The following ZNF793 variants were observed in gnomAD, a reference collection of about 807,000 sequenced individuals.
The protein encoded by ZNF793 is zinc finger protein 793.
In ZNF793, 5 loss-of-function variants were observed where a neutral mutation model predicts 12.4. The observed-to-expected ratio is 0.40, with a 90% CI of 0.21 to 0.84. The LOEUF is 0.84. Among genes scored for constraint, ZNF793 ranks in the 40% least tolerant of loss-of-function variants. The pLI, the probability that ZNF793 is intolerant of heterozygous loss-of-function variation, is 0.35. For synonymous variants in ZNF793, 162 were observed against 172.4 expected (o/e 0.94, Z 0.47); for missense variants, 456 against 495.0 (o/e 0.92, Z 0.75).
Position 37,542,421 on chromosome 19 carries a change from A to G in ZNF793, c.*4542A>G. 1 of 391,196 alleles carries G rather than the reference A, an allele frequency of 2.6e-6. No homozygotes were observed. The highest frequency in any genetic ancestry group is 5.1e-6 in the Non-Finnish European group (1 of 197,750). 24.2% of individuals were successfully genotyped at this position (391,196 alleles called of 1,614,324 possible). A position where few individuals can be genotyped will look rare whatever the true frequency, so the allele number is the denominator to read the frequency against. On this transcript the variant is annotated 3_prime_UTR_variant, in exon 8 of 8. Transcript: ENST00000627814. ...AAAAGAAAAGAAAAGAAATCTGTTA[A>G]TATTATTAAAATATTTATGTCACTT...
chr19:37,522,386 T>A (rs1568789637), intron 3 of ZNF793, 146 bp from the exon 4 acceptor site: 2 of 152,094 alleles, frequency 1.3e-5, no homozygotes, highest in African/African-American at 4.8e-5. Flanking sequence ...TTAGTAGAGA[T>A]GGGGTTTCAC....
At chr19:37,517,456 CAAAAA>C (rs35675130) in intron 2 of ZNF793, among the ~76,000 whole-genome samples, 4 of 109,792 alleles carry the variant, frequency 3.6e-5, no homozygotes, top group Non-Finnish European at 4.0e-5. Context: ...AACTCTGTCT[CAAAAA>C]AAAAAAAAAA....
intron 1 of ZNF793, among the ~76,000 whole-genome samples, chr19:37,507,822 T>C (rs1378492093): frequency 6.6e-6 from 1 of 152,224 alleles, no homozygotes; most frequent in Admixed American, 6.5e-5. Context: ...TTGTAGTTAC[T>C]GACCTGTAGT....
In ZNF793 at chr19:37,522,652, G is replaced by C. The variant is rs1485033881; in HGVS notation, c.-31+5G>C. On this transcript the variant is annotated splice_donor_5th_base_variant and intron_variant, in intron 4 of 7. Coordinates refer to ENST00000627814, the MANE Select transcript of ZNF793 (RefSeq NM_001013659.3). ...CGACATTTTTGAAGAGTATAGGTAG[G>C]TTATTTTGTATATTGTAACTCAGTA... is the stretch of plus-strand genomic sequence containing the variant. 6.6e-6 allele frequency: 1 copy of C among 152,134 alleles called. No individual in the cohort carries two copies. The highest frequency in any genetic ancestry group is 1.5e-5 in the Non-Finnish European group (1 of 68,032). 9.4% of individuals were successfully genotyped at this position (152,134 alleles called of 1,614,324 possible).
chr19:37,519,604 A>C (rs1480520626), intron 2 of ZNF793, among the ~76,000 whole-genome samples: 1 of 152,228 alleles, frequency 6.6e-6, no homozygotes, highest in Non-Finnish European at 1.5e-5. Context: ...TAATAGCCTC[A>C]ATATAGAAAG....
In ZNF793 at chr19:37,537,382, T is replaced by C; in HGVS notation, c.724T>C (p.Phe242Leu). The C allele has an allele frequency of 6.2e-7, 1 of 1,613,078 alleles. No individual in the cohort carries two copies. Among genetic ancestry groups the C allele is most frequent in the Non-Finnish European group, 8.5e-7 (1 of 1,179,428 alleles). ...GAAAGCCTTCTGCTACAAGTCTGAATTCATTAGGCATCAGAGAAGTCACAC... is the reference window on the plus strand; with the variant it reads ...GAAAGCCTTCTGCTACAAGTCTGAACTCATTAGGCATCAGAGAAGTCACAC... ...CGKAFCYKSE[F>L]IRHQRSHTGE... Residue 242 changes from phenylalanine to leucine, a missense_variant, in exon 8 of 8, where the codon TTC becomes CTC. By Grantham distance (22) the Phe-to-Leu change is conservative. Transcript: ENST00000627814.
intron 2 of ZNF793, among the ~76,000 whole-genome samples, chr19:37,514,575 C>CTGAT (rs2042316235): frequency 6.7e-6 from 1 of 149,164 alleles, no homozygotes; most frequent in African/African-American, 2.5e-5. Flanking sequence ...GATAGATAGA[C>CTGAT]AGATAGATAG....
At position 37,540,265 on chromosome 19, in the gene ZNF793, CAAAAAAAAAAA is replaced by C. The variant is rs10686444; in HGVS notation, c.*2395_*2405del. 15 of 97,426 alleles carry C rather than the reference CAAAAAAAAAAA, an allele frequency of 1.5e-4. No homozygotes were observed. Among genetic ancestry groups the C allele is most frequent in the African/African-American group, 6.0e-4 (15 of 24,798 alleles). 6.0% of individuals were successfully genotyped at this position (97,426 alleles called of 1,614,324 possible). A position where few individuals can be genotyped will look rare whatever the true frequency, so the allele number is the denominator to read the frequency against. On this transcript the variant is annotated 3_prime_UTR_variant, in exon 8 of 8. Coordinates refer to ENST00000627814, the MANE Select transcript of ZNF793 (RefSeq NM_001013659.3). Reference sequence around the variant, plus strand: ...CTGGGTGACAAGAGCGAAACTCCGTCAAAAAAAAAAAAAAAAAAAGAAAACTTCAGACCAGT... The same window carrying C: ...CTGGGTGACAAGAGCGAAACTCCGTCAAAAAAAAGAAAACTTCAGACCAGT...
At chr19:37,529,850 G>A (rs1360480814) in intron 5 of ZNF793, among the ~76,000 whole-genome samples, 1 of 152,088 alleles carries the variant, frequency 6.6e-6, no homozygotes, top group African/African-American at 2.4e-5. Flanking sequence ...GGTGTTTTTC[G>A]TTAGGTGGAA....
At chr19:37,530,525 T>G (rs965303672) in intron 5 of ZNF793, among the ~76,000 whole-genome samples, 1 of 152,170 alleles carries the variant, frequency 6.6e-6, no homozygotes, top group African/African-American at 2.4e-5. Flanking sequence ...TGGTGATGAC[T>G]CTTAAGGAGC....
Position 37,537,685 on chromosome 19 carries a change from G to A in ZNF793, c.1027G>A (p.Glu343Lys), listed in dbSNP as rs746633763. 1.2e-6 allele frequency: 2 copies of A among 1,613,576 alleles called. No homozygotes were observed. Among genetic ancestry groups the A allele is most frequent in the South Asian group, 2.2e-5 (2 of 91,066 alleles). ...AGGAGAAAGACCGTATCGTTGCAGAGAATGTGGAAAATCCTTCAGCCAGAA... is the reference window on the plus strand; with the variant it reads ...AGGAGAAAGACCGTATCGTTGCAGAAAATGTGGAAAATCCTTCAGCCAGAA... ...HTGERPYRCR[E>K]CGKSFSQKSC... The change falls in exon 8 of 8, where the codon GAA becomes AAA. Residue 343 changes from glutamate (E) to lysine (K), a missense_variant. Glu to Lys is a moderately conservative substitution (Grantham distance 56, BLOSUM62 1). Coordinates refer to ENST00000627814, the MANE Select transcript of ZNF793 (RefSeq NM_001013659.3).
chr19:37,521,868 C>T (rs931508947), intron 3 of ZNF793, among the ~76,000 whole-genome samples: 3 of 152,092 alleles, frequency 2.0e-5, no homozygotes, highest in African/African-American at 7.2e-5. Flanking sequence ...CATGTCCTCT[C>T]TTTCTATATA....
chr19:37,515,730 A>G (rs1300437223), intron 2 of ZNF793, among the ~76,000 whole-genome samples: 1 of 152,240 alleles, frequency 6.6e-6, no homozygotes. Context: ...TACCTGTGTG[A>G]AAGCATAAAA....
chr19:37,533,515 C>T (rs2042479252), intron 7 of ZNF793, 112 bp downstream of exon 7: 3 of 851,380 alleles, frequency 3.5e-6, no homozygotes, highest in Non-Finnish European at 3.8e-6. Flanking sequence ...GCTTCAGCCA[C>T]GTTAATGACT....
Position 37,542,410 on chromosome 19 carries a change from G to A in ZNF793, c.*4531G>A, listed in dbSNP as rs903807740. Reference sequence around the variant, plus strand: ...GATTCCATCTCAAAAGAAAAGAAAAGAAATCTGTTAATATTATTAAAATAT... The same window carrying A: ...GATTCCATCTCAAAAGAAAAGAAAAAAAATCTGTTAATATTATTAAAATAT... On this transcript the variant is annotated 3_prime_UTR_variant, in exon 8 of 8. Coordinates refer to ENST00000627814, the MANE Select transcript of ZNF793 (RefSeq NM_001013659.3). 8.1e-6 allele frequency: 3 copies of A among 371,780 alleles called. No individual in the cohort carries two copies. In the East Asian group the frequency reaches 2.2e-4, roughly 28 times the overall value. The allele number at this position is 371,780 out of a possible 1,614,324, so 23.0% of individuals were successfully genotyped here. A position where few individuals can be genotyped will look rare whatever the true frequency, so the allele number is the denominator to read the frequency against.
chr19:37,514,859 C>A (rs1465284221), intron 2 of ZNF793, among the ~76,000 whole-genome samples: 2 of 151,782 alleles, frequency 1.3e-5, no homozygotes, highest in African/African-American at 4.8e-5. Flanking sequence ...TGAATTTTAC[C>A]ATGTTAATAG....
chr19:37,509,629 G>C (rs2147052255), intron 2 of ZNF793, among the ~76,000 whole-genome samples: 1 of 152,158 alleles, frequency 6.6e-6, no homozygotes, highest in South Asian at 2.1e-4. Flanking sequence ...AATAAGCCAG[G>C]GTAAGGAGTT....
intron 2 of ZNF793, among the ~76,000 whole-genome samples, chr19:37,519,239 C>T (rs755608114): frequency 4.6e-5 from 7 of 152,124 alleles, no homozygotes; most frequent in Non-Finnish European, 7.4e-5. Flanking sequence ...GCACTCCAGC[C>T]TGGGCAGCAG....
intron 2 of ZNF793, among the ~76,000 whole-genome samples, chr19:37,516,614 C>T (rs565963051): frequency 6.6e-6 from 1 of 152,034 alleles, no homozygotes; most frequent in Non-Finnish European, 1.5e-5. Context: ...GAGTGCCGGA[C>T]TGCAGGGCAA....
Sources: allele counts gnomAD v4.1 joint callset (sites outside exome capture counted in the v4.1 genomes callset), GRCh38; gene constraint gnomAD v4.1.1; transcripts MANE v1.5; gene names NCBI Gene and HGNC (gene_info 2026-07-23, HGNC 2026-07-21).